Variants in EFCAB7 observed in about 807,000 individuals in gnomAD.
EFCAB7 encodes EF-hand calcium-binding domain-containing protein 7.
Under a neutral mutation model 77.1 loss-of-function variants are expected in EFCAB7, and 66 were observed. The observed-to-expected ratio is 0.86, with a 90% CI of 0.70 to 1.05. EFCAB7 has a LOEUF of 1.05. Ranked by LOEUF, EFCAB7 falls within the 50% of genes least tolerant of loss-of-function variation. The pLI is 0.00. For synonymous variants in EFCAB7, 225 were observed against 243.3 expected (o/e 0.92, Z 0.70); for missense variants, 638 against 730.5 (o/e 0.87, Z 1.46).
At chr1:63,546,736 CAA>C (rs1432693063) in intron 7 of EFCAB7, among the ~76,000 whole-genome samples, 1 of 152,074 alleles carries the variant, frequency 6.6e-6, no homozygotes, top group Non-Finnish European at 1.5e-5. Context: ...ATTAATATGT[CAA>C]AGAGAAGTAC....
chr1:63,560,191 A>T (rs937549584), intron 10 of EFCAB7, among the ~76,000 whole-genome samples: 1 of 152,072 alleles, frequency 6.6e-6, no homozygotes, highest in African/African-American at 2.4e-5. Flanking sequence ...TGACCTCATG[A>T]TCTGCCCGCC....
At chr1:63,584,915 A>G in the EFCAB7 span, among the ~76,000 whole-genome samples, 1 of 152,160 alleles carries the variant, frequency 6.6e-6, no homozygotes, top group Non-Finnish European at 1.5e-5. Flanking sequence ...TTCAGGGTCA[A>G]CTGTACATTG....
chr1:63,581,390 A>T, the EFCAB7 span, among the ~76,000 whole-genome samples: 1 of 151,342 alleles, frequency 6.6e-6, no homozygotes, highest in African/African-American at 2.4e-5. Context: ...CTTAAAAAAA[A>T]AAAAAAAAAA....
chr1:63,576,896 TC>T (rs1647437964), downstream of EFCAB7, among the ~76,000 whole-genome samples: 1 of 151,476 alleles, frequency 6.6e-6, no homozygotes, highest in Non-Finnish European at 1.5e-5. Context: ...ATGCCTGTAA[TC>T]CCAGCATTTT....
chr1:63,527,442 T>TAAC (rs10687198), intron 2 of EFCAB7, among the ~76,000 whole-genome samples: 32,384 of 151,720 alleles, frequency 0.21, 3,665 homozygotes, highest in African/African-American at 0.26. Flanking sequence ...CTGCCACTTA[T>TAAC]GTGCATTTCC....
At chr1:63,554,934 G>A (rs1647012204) in intron 8 of EFCAB7, 2 of 151,942 alleles carry the variant, frequency 1.3e-5, no homozygotes, top group Non-Finnish European at 2.9e-5. Context: ...TCATATATTT[G>A]AATCAAATTA....
intron 2 of EFCAB7, chr1:63,527,894 T>C (rs1269973872): frequency 3.3e-5 from 5 of 152,218 alleles, no homozygotes; most frequent in Non-Finnish European, 7.4e-5. Context: ...TTCTCAAAAC[T>C]GAACAGAAGA....
chr1:63,584,238 T>A, the EFCAB7 span, among the ~76,000 whole-genome samples: 2 of 152,032 alleles, frequency 1.3e-5, no homozygotes, highest in Non-Finnish European at 2.9e-5. Context: ...TTTAGAGAAA[T>A]GAGAAAGCAA....
intron 6 of EFCAB7, among the ~76,000 whole-genome samples, chr1:63,538,394 G>A (rs1646787831): frequency 1.3e-5 from 2 of 151,812 alleles, no homozygotes; most frequent in South Asian, 2.1e-4. Flanking sequence ...TTTAGTCTAG[G>A]TCCTAGAGAA....
intron 8 of EFCAB7, 147 bp downstream of exon 8, chr1:63,551,981 A>G (rs1376911224): frequency 3.8e-6 from 1 of 266,062 alleles, no homozygotes; most frequent in African/African-American, 2.2e-5. Context: ...TAGATATTAT[A>G]TGTTTTTAAT....
intron 1 of EFCAB7, 64 bp from the exon 2 acceptor site, chr1:63,525,508 A>C: frequency 7.8e-7 from 1 of 1,277,942 alleles, no homozygotes; most frequent in Admixed American, 2.9e-5. Context: ...TTTGAAAGAC[A>C]TGGTGACATT....
At chr1:63,524,343 G>C (rs1646539889) in intron 1 of EFCAB7, among the ~76,000 whole-genome samples, 1 of 152,224 alleles carries the variant, frequency 6.6e-6, no homozygotes, top group African/African-American at 2.4e-5. Context: ...TAACCAGACT[G>C]TGACACCACA....
At chr1:63,581,998 A>G in the EFCAB7 span, among the ~76,000 whole-genome samples, 1 of 152,260 alleles carries the variant, frequency 6.6e-6, no homozygotes, top group Non-Finnish European at 1.5e-5. Flanking sequence ...AATTAACTGT[A>G]GTACATATTG....
chr1:63,570,314 T>G (rs941920657), intron 12 of EFCAB7: 1 of 152,210 alleles, frequency 6.6e-6, no homozygotes, highest in African/African-American at 2.4e-5. Flanking sequence ...TCATTCTGCT[T>G]TCCCTTGCTC....
chr1:63,535,676 G>A (rs928564127), intron 6 of EFCAB7, among the ~76,000 whole-genome samples: 2 of 152,034 alleles, frequency 1.3e-5, no homozygotes, highest in African/African-American at 4.8e-5. Flanking sequence ...TAAATCGTAT[G>A]TAAACATATG....
At chr1:63,573,971 G>A (rs1032321265), downstream of EFCAB7, among the ~76,000 whole-genome samples, 1 of 152,128 alleles carries the variant, frequency 6.6e-6, no homozygotes, top group African/African-American at 2.4e-5. Flanking sequence ...TATAGAGGTG[G>A]GAAGGCCAAA....
chr1:63,545,698 C>T (rs1164804419), intron 6 of EFCAB7, among the ~76,000 whole-genome samples: 1 of 152,114 alleles, frequency 6.6e-6, no homozygotes, highest in East Asian at 1.9e-4. Context: ...ACGTTGGCCT[C>T]CCAAAGTGCT....
At chr1:63,549,413 A>G (rs541883294) in intron 7 of EFCAB7, 1 of 468,640 alleles carries the variant, frequency 2.1e-6, no homozygotes, top group Admixed American at 2.4e-5. Flanking sequence ...CCAATATTGA[A>G]CATCTTAAGT....
chr1:63,530,446 T>C (rs77804678), intron 2 of EFCAB7, among the ~76,000 whole-genome samples: 7,575 of 152,292 alleles, frequency 0.05, 665 homozygotes, highest in African/African-American at 0.17. Flanking sequence ...TTTTAGAAAA[T>C]GTTATATTTC....
Sources: gnomAD v4.1 joint callset for allele counts (sites outside exome capture counted in the v4.1 genomes callset) on GRCh38, gnomAD v4.1.1 for gene constraint, MANE v1.5 for transcripts, NCBI Gene and HGNC (gene_info 2026-07-23, HGNC 2026-07-21) for gene names.